UPF1: variants seen among roughly 807,000 people sequenced by gnomAD.
The protein encoded by UPF1 is regulator of nonsense transcripts 1.
In UPF1, 9 loss-of-function variants were observed where a neutral mutation model predicts 129.2. The observed-to-expected ratio is 0.07, with a 90% CI of 0.04 to 0.12. The LOEUF is 0.12. UPF1 is among the 10% of genes least tolerant of loss of function. The pLI, the probability that UPF1 is intolerant of heterozygous loss-of-function variation, is 1.00. For synonymous variants in UPF1, 649 were observed against 644.9 expected (o/e 1.01, Z -0.10); for missense variants, 788 against 1,525.3 (o/e 0.52, Z 8.05).
intron 15 of UPF1, among the ~76,000 whole-genome samples, 181 bp downstream of exon 15, chr19:18,857,714 C>G (rs1416834009): frequency 6.6e-6 from 1 of 152,244 alleles, no homozygotes; most frequent in African/African-American, 2.4e-5. Context: ...AGTGGTGTCT[C>G]TGGGGCATGT....
intron 1 of UPF1, among the ~76,000 whole-genome samples, chr19:18,835,364 CAG>C (rs2055473021): frequency 1.3e-5 from 2 of 150,884 alleles, no homozygotes; most frequent in Non-Finnish European, 2.9e-5. Flanking sequence ...TTTTTTGAGA[CAG>C]AGTCTCGCTC....
At chr19:18,838,662 G>A (rs1411276244) in intron 1 of UPF1, among the ~76,000 whole-genome samples, 1 of 151,612 alleles carries the variant, frequency 6.6e-6, no homozygotes, top group African/African-American at 2.4e-5. Flanking sequence ...AAAAAAAAAT[G>A]CTCATGACTT....
intron 15 of UPF1, among the ~76,000 whole-genome samples, chr19:18,857,810 A>G (rs1182280651): frequency 6.6e-6 from 1 of 152,232 alleles, no homozygotes; most frequent in Non-Finnish European, 1.5e-5. Context: ...CAGCCAGGAC[A>G]GGCTGTTAGG....
intron 18 of UPF1, 23 bp from the exon 19 acceptor site, chr19:18,863,409 GCGTCCT>G: frequency 1.2e-6 from 2 of 1,602,720 alleles, no homozygotes; most frequent in Middle Eastern, 1.7e-4. Flanking sequence ...CTCTCCACCT[GCGTCCT>G]CAGCACTGCG....
At chr19:18,864,023 C>T (rs2055811241) in intron 19 of UPF1, 147 bp from the exon 20 acceptor site, 2 of 728,836 alleles carry the variant, frequency 2.7e-6, no homozygotes, top group Non-Finnish European at 4.8e-6. Context: ...CATGAGACAG[C>T]AGCTCCCTCC....
intron 15 of UPF1, among the ~76,000 whole-genome samples, chr19:18,858,407 A>G (rs1339861927): frequency 6.6e-6 from 1 of 151,990 alleles, no homozygotes; most frequent in African/African-American, 2.4e-5. Context: ...CACCATTGCC[A>G]GTGAAATGTG....
At chr19:18,836,961 T>C (rs902982129) in intron 1 of UPF1, among the ~76,000 whole-genome samples, 1 of 151,272 alleles carries the variant, frequency 6.6e-6, no homozygotes, top group African/African-American at 2.4e-5. Context: ...ACCATGTTAG[T>C]CAGGATGGTC....
intron 11 of UPF1, 160 bp from the exon 12 acceptor site, chr19:18,855,765 T>A: frequency 6.8e-6 from 7 of 1,025,608 alleles, no homozygotes; most frequent in Non-Finnish European, 9.6e-6. Flanking sequence ...GGAGGATTGC[T>A]TGAGCCCAGG....
rs562322883 is a variant in UPF1 at position 18,861,533 on chromosome 19, C to T, written c.2458-477C>T. Among the ~76,000 whole-genome samples, 34 of 152,300 alleles carry T rather than the reference C, an allele frequency of 2.2e-4. 1 individual carries two copies. In the South Asian group the frequency reaches 5.8e-3, roughly 26 times the overall value. On this transcript the variant is annotated intron_variant, in intron 17 of 23. Coordinates refer to ENST00000262803, the MANE Select transcript of UPF1 (RefSeq NM_002911.4). ...CTCTTAGTGCTGAGAAACAAATCTCCGTGGCTAAAAGAGAACAGGCTAGGT... is the reference window on the plus strand; with the variant it reads ...CTCTTAGTGCTGAGAAACAAATCTCTGTGGCTAAAAGAGAACAGGCTAGGT...
Position 18,865,392 on chromosome 19 carries a change from G to C in UPF1, c.2961G>C (p.Leu987=). The C allele has an allele frequency of 6.2e-7, 1 of 1,614,082 alleles. No individual in the cohort carries two copies. The change falls in exon 21 of 24, where the codon CTG becomes CTC. Residue 987 remains leucine (L), a synonymous_variant. Transcript: ENST00000262803. The surrounding 1 kb of genome is among the most constrained non-coding windows in gnomAD (Gnocchi z 6.1). Reference sequence around the variant, plus strand: ...TGAACATTCCCATCCCCTTCAACCTGGTCATGCCACCCATGCCACCGCCTG... The same window carrying C: ...TGAACATTCCCATCCCCTTCAACCTCGTCATGCCACCCATGCCACCGCCTG... ...AAMNIPIPFN[L]VMPPMPPPGY...
chr19:18,863,663 AAC>A (rs779324601), intron 19 of UPF1, 51 bp downstream of exon 19: 68 of 1,569,308 alleles, frequency 4.3e-5, no homozygotes, highest in Middle Eastern at 2.2e-4. Context: ...CCGGGCCCAA[AAC>A]ACTGCTGGGA....
rs779110906 is a variant in UPF1, at chr19:18,865,787, G to C, written c.3237+9G>C. On this transcript the variant is annotated intron_variant, in intron 22 of 23. Transcript: ENST00000262803. The surrounding 1 kb of genome is among the most constrained non-coding windows in gnomAD (Gnocchi z 6.1). ...AGCCGGAGCTGTCCCAGGTGAGCCC[G>C]CCCCTGGGACGGGACTTACCTGAGT... The C allele has an allele frequency of 1.1e-5, 17 of 1,612,166 alleles. No homozygotes were observed. Among genetic ancestry groups the C allele is most frequent in the Admixed American group, 3.3e-5 (2 of 60,002 alleles).
intron 18 of UPF1, 132 bp from the exon 19 acceptor site, chr19:18,863,306 C>T (rs2055801917): frequency 1.6e-6 from 2 of 1,212,552 alleles, no homozygotes; most frequent in African/African-American, 3.0e-5. Flanking sequence ...GGCTGGCAGC[C>T]TGCCTGCTGC....
chr19:18,833,585 G>T (rs1296360454), intron 1 of UPF1, among the ~76,000 whole-genome samples: 1 of 151,954 alleles, frequency 6.6e-6, no homozygotes, highest in Non-Finnish European at 1.5e-5. Context: ...GGCGCGTGTT[G>T]CACCGGGGTC....
intron 1 of UPF1, among the ~76,000 whole-genome samples, chr19:18,841,063 C>T (rs529905360): frequency 7.2e-5 from 11 of 152,332 alleles, no homozygotes; most frequent in African/African-American, 9.6e-5. Flanking sequence ...GTCAGAGCTG[C>T]GCTGCCTGCA....
intron 8 of UPF1, among the ~76,000 whole-genome samples, chr19:18,854,051 G>A (rs924105562): frequency 1.3e-5 from 2 of 152,186 alleles, no homozygotes; most frequent in South Asian, 2.1e-4. Context: ...TTTGGGGCTC[G>A]GGGTCGAGGG....
rs374426265 is a variant in UPF1, at chr19:18,863,496, C to T, written c.2659C>T (p.His887Tyr). The change falls in exon 19 of 24, where the codon CAC (histidine) becomes TAC (tyrosine). Residue 887 changes from histidine to tyrosine, a missense_variant. This residue lies in a region of UPF1 where 140 missense variants were observed against 385.9 expected (regional missense o/e 0.36). Coordinates refer to ENST00000262803, the MANE Select transcript of UPF1 (RefSeq NM_002911.4). ...KALSKQPLWN[H>Y]LLNYYKEQKV... ...ACTATCAAAGCAGCCGCTCTGGAACCACCTGCTGAACTACTATAAGGAGCA... is the reference window on the plus strand; with the variant it reads ...ACTATCAAAGCAGCCGCTCTGGAACTACCTGCTGAACTACTATAAGGAGCA... 1 of 1,613,932 alleles carries T rather than the reference C, an allele frequency of 6.2e-7. No individual in the cohort carries two copies. Among genetic ancestry groups the T allele is most frequent in the Non-Finnish European group, 8.5e-7 (1 of 1,179,882 alleles).
At chr19:18,840,141 G>A (rs1361959088) in intron 1 of UPF1, among the ~76,000 whole-genome samples, 1 of 152,154 alleles carries the variant, frequency 6.6e-6, no homozygotes, top group African/African-American at 2.4e-5. Flanking sequence ...TGGAGGTTGG[G>A]CATTGTGGCC....
Position 18,863,556 on chromosome 19 carries a change from C to T in UPF1, c.2719C>T (p.Arg907Cys), listed in dbSNP as rs2055805295. 3.7e-6 allele frequency: 6 copies of T among 1,613,692 alleles called. No homozygotes were observed. Among genetic ancestry groups the T allele is most frequent in the Non-Finnish European group, 5.1e-6 (6 of 1,179,908 alleles). Reference protein sequence around the residue: ...VLVEGPLNNLRESLMQFSKPR... With the variant: ...VLVEGPLNNLCESLMQFSKPR... ...GGTGGAGGGGCCGCTCAACAACCTG[C>T]GTGAGAGCCTCATGCAGTTCAGCAA... Residue 907 changes from arginine (R) to cysteine (C), a missense_variant, in exon 19 of 24, where the codon CGT becomes TGT. Physicochemically the swap from Arg to Cys is radical, Grantham distance 180. Around this residue, in one of 6 missense-constraint regions of UPF1, gnomAD observed 218 missense variants for 318.1 expected, o/e 0.69. Coordinates refer to ENST00000262803, the MANE Select transcript of UPF1 (RefSeq NM_002911.4).
Sources: allele counts gnomAD v4.1 joint callset (sites outside exome capture counted in the v4.1 genomes callset), GRCh38; gene constraint gnomAD v4.1.1; regional missense constraint gnomAD v4.1.1; non-coding constraint Gnocchi (gnomAD v3.1); transcripts MANE v1.5; gene names NCBI Gene and HGNC (gene_info 2026-07-23, HGNC 2026-07-21).